Variants in LRPPRC observed in about 807,000 individuals in gnomAD.
LRPPRC encodes leucine rich pentatricopeptide repeat containing.
LRPPRC carries 120 observed loss-of-function variants against 180.3 expected under a neutral mutation model. That is an observed-to-expected ratio of 0.67 (90% CI 0.57 to 0.77). The LOEUF is 0.77. Ranked by LOEUF, LRPPRC falls within the 30% of genes least tolerant of loss-of-function variation. LRPPRC has a pLI of 0.00. For synonymous variants in LRPPRC, 723 were observed against 600.0 expected (o/e 1.21, Z -3.00); for missense variants, 2,012 against 1,657.2 (o/e 1.21, Z -3.72).
chr2:43,948,054 T>C, intron 18 of LRPPRC, 68 bp downstream of exon 18: 1 of 1,110,544 alleles, frequency 9.0e-7, no homozygotes, highest in Non-Finnish European at 1.4e-6. Flanking sequence ...CATATTTAAA[T>C]AAAATTTTAA....
chr2:43,968,575 C>T (rs537213128), intron 11 of LRPPRC, among the ~76,000 whole-genome samples: 1 of 152,306 alleles, frequency 6.6e-6, no homozygotes, highest in East Asian at 1.9e-4. Flanking sequence ...TGCTTCTCTA[C>T]ATAAAGAAAG....
chr2:43,993,546 C>T (rs1184961508), intron 1 of LRPPRC, among the ~76,000 whole-genome samples: 4 of 151,964 alleles, frequency 2.6e-5, no homozygotes, highest in Non-Finnish European at 5.9e-5. Context: ...AAACAGAGTT[C>T]CAGGAAAGGT....
chr2:43,951,047 G>C (rs72798856), intron 14 of LRPPRC, among the ~76,000 whole-genome samples: 47,841 of 152,186 alleles, frequency 0.31, 8,893 homozygotes, highest in East Asian at 0.95. Context: ...TCCAGCCTGG[G>C]AGACACAGTG....
Position 43,976,959 on chromosome 2 carries a change from T to C in LRPPRC, c.650+35A>G, listed in dbSNP as rs764875236. The C allele has an allele frequency of 1.1e-5, 17 of 1,559,000 alleles. 1 individual carries two copies. The highest frequency in any genetic ancestry group is 1.7e-4 in the Middle Eastern group (1 of 5,988). On this transcript the variant is annotated intron_variant, in intron 5 of 37. Transcript: ENST00000260665. ...ACATTAGATTTACAAAATGTACAAATTTGTTCGCTTAAACATGTTCATACA... is the reference window on the plus strand; with the variant it reads ...ACATTAGATTTACAAAATGTACAAACTTGTTCGCTTAAACATGTTCATACA...
In LRPPRC at chr2:43,979,852, C is replaced by G. The variant is rs1203064405; in HGVS notation, c.443G>C (p.Arg148Thr). The G allele has an allele frequency of 1.2e-6, 2 of 1,613,216 alleles. No individual in the cohort carries two copies. The highest frequency in any genetic ancestry group is 3.3e-5 in the Admixed American group (2 of 59,986). Residue 148 changes from arginine to threonine, a missense_variant, in exon 3 of 38, where the codon AGG becomes ACG. Coordinates refer to ENST00000260665, the MANE Select transcript of LRPPRC (RefSeq NM_133259.4). The stretch of plus-strand genomic sequence containing the variant: ...TAATTTCTGAAGTGTGTCCCATATC[C>G]TATGAGCAAATTCTGTTCTCTCTTC... ...KLEERTEFAH[R>T]IWDTLQKLGA...
chr2:43,959,165 G>A (rs769246677), intron 13 of LRPPRC: 3 of 714,484 alleles, frequency 4.2e-6, no homozygotes, highest in African/African-American at 1.8e-5. Flanking sequence ...TCCACCTCGT[G>A]AGCCCAGATT....
At position 43,955,921 on chromosome 2, in the gene LRPPRC, G is replaced by A. The variant is rs565676707; in HGVS notation, c.1649+1464C>T. Among the ~76,000 whole-genome samples, 7 of 152,208 alleles carry A rather than the reference G, an allele frequency of 4.6e-5. No homozygotes were observed. The East Asian group carries it at 7.7e-4, about 17-fold the overall frequency. On this transcript the variant is annotated intron_variant, in intron 14 of 37. Transcript: ENST00000260665. ...AGGGGCCTCTGCAAGAGAGATGTGC[G>A]AATCACCATCTTAACCAAGTGATCA...
intron 29 of LRPPRC, among the ~76,000 whole-genome samples, chr2:43,915,252 A>T (rs867243447): frequency 0.037 from 4,805 of 130,664 alleles, 116 homozygotes; most frequent in South Asian, 0.048. Flanking sequence ...ACACACACAC[A>T]CACACACACA....
At chr2:43,968,096 T>C (rs1302402763) in intron 11 of LRPPRC, among the ~76,000 whole-genome samples, 1 of 150,520 alleles carries the variant, frequency 6.6e-6, no homozygotes, top group Non-Finnish European at 1.5e-5. Context: ...TCTGGTGAAA[T>C]GACAAAAAAA....
intron 5 of LRPPRC, among the ~76,000 whole-genome samples, chr2:43,976,532 T>C (rs1053360537): frequency 2.0e-5 from 3 of 152,158 alleles, no homozygotes; most frequent in African/African-American, 7.2e-5. Flanking sequence ...AAGATTCTTT[T>C]AGATAAAAAT....
At chr2:43,915,969 T>C (rs1269825588) in intron 29 of LRPPRC, among the ~76,000 whole-genome samples, 8 of 152,248 alleles carry the variant, frequency 5.3e-5, no homozygotes, top group Non-Finnish European at 1.2e-4. Flanking sequence ...TACCACTAAG[T>C]TGCCAGGCAG....
Position 43,975,080 on chromosome 2 carries a change from A to G in LRPPRC, c.864+11T>C, listed in dbSNP as rs193090896. The G allele has an allele frequency of 2.1e-5, 34 of 1,611,606 alleles. No individual in the cohort carries two copies. Among genetic ancestry groups the G allele is most frequent in the African/African-American group, 9.3e-5 (7 of 74,936 alleles). On this transcript the variant is annotated intron_variant, in intron 7 of 37. Transcript: ENST00000260665. ...GATTTTAAAGTATGTTTATTTAGAC[A>G]TAAGTCATACCTGCTTAACATGGTC... is the stretch of plus-strand genomic sequence containing the variant.
intron 23 of LRPPRC, among the ~76,000 whole-genome samples, chr2:43,940,959 CTGTAA>C (rs1167518195): frequency 2.0e-5 from 3 of 152,080 alleles, no homozygotes; most frequent in Non-Finnish European, 4.4e-5. Context: ...GGCTTAGAGA[CTGTAA>C]TGTAATGTAA....
Position 43,977,013 on chromosome 2 carries a change from C to G in LRPPRC, c.631G>C (p.Gly211Arg). 6.2e-7 allele frequency: 1 copy of G among 1,613,324 alleles called. No homozygotes were observed. The highest frequency in any genetic ancestry group is 8.5e-7 in the Non-Finnish European group (1 of 1,179,506). Residue 211 changes from glycine to arginine, a missense_variant, in exon 5 of 38, where the codon GGA becomes CGA. Physicochemically the swap from Gly to Arg is moderately radical, Grantham distance 125 (BLOSUM62 -2). Transcript: ENST00000260665. ...CCATACCTGGCACCTTCAATATCTC[C>G]TACATTACAATAAGAAGCAATCAAT... ...QRLIASYCNVGDIEGASKILG... is the reference protein window; with the variant it reads ...QRLIASYCNVRDIEGASKILG...
intron 1 of LRPPRC, among the ~76,000 whole-genome samples, chr2:43,988,790 G>T (rs1043508710): frequency 2.6e-5 from 4 of 151,966 alleles, no homozygotes; most frequent in African/African-American, 9.7e-5. Context: ...TGATCCGCCC[G>T]CCTGAGCCTC....
chr2:43,965,661 C>G (rs1164911782), intron 11 of LRPPRC, among the ~76,000 whole-genome samples: 2 of 152,046 alleles, frequency 1.3e-5, no homozygotes. Flanking sequence ...TCACAAATTT[C>G]AATAGCAAAA....
intron 31 of LRPPRC, among the ~76,000 whole-genome samples, chr2:43,904,975 A>G (rs1232331803): frequency 1.3e-5 from 2 of 152,138 alleles, no homozygotes; most frequent in African/African-American, 4.8e-5. Flanking sequence ...GAGATCATTC[A>G]TAAGACCTCC....
chr2:43,984,352 C>T (rs781353730), intron 1 of LRPPRC, among the ~76,000 whole-genome samples: 5 of 152,036 alleles, frequency 3.3e-5, no homozygotes, highest in Admixed American at 1.3e-4. Flanking sequence ...ATAAAACTTC[C>T]GCTACAGGAT....
chr2:43,971,737 A>T (rs540580197), intron 11 of LRPPRC, among the ~76,000 whole-genome samples: 4 of 152,122 alleles, frequency 2.6e-5, no homozygotes, highest in African/African-American at 9.6e-5. Context: ...AGTTCATTGC[A>T]CTAATAAGAA....
Sources: gnomAD v4.1 joint callset for allele counts (sites outside exome capture counted in the v4.1 genomes callset) on GRCh38, gnomAD v4.1.1 for gene constraint, MANE v1.5 for transcripts, NCBI Gene and HGNC (gene_info 2026-07-23, HGNC 2026-07-21) for gene names.